The following PLCL1 variants were observed in gnomAD, a reference collection of about 807,000 sequenced individuals.
PLCL1 encodes inactive phospholipase C-like protein 1.
Under a neutral mutation model 84.4 loss-of-function variants are expected in PLCL1, and 41 were observed. The observed-to-expected ratio is 0.49, with a 90% CI of 0.38 to 0.63. The LOEUF (loss-of-function observed/expected upper bound fraction) is 0.63, where lower values mean the gene tolerates loss of function less well. Ranked by LOEUF, PLCL1 falls within the 30% of genes least tolerant of loss-of-function variation. PLCL1 has a pLI of 0.00. For synonymous variants in PLCL1, 490 were observed against 488.3 expected, an observed-to-expected ratio of 1.00 and a Z score of -0.05; for missense variants, 1,206 against 1,367.8, an observed-to-expected ratio of 0.88 and a Z score of 1.87.
intron 1 of PLCL1, among the ~76,000 whole-genome samples, chr2:197,838,877 G>T (rs1691241310): frequency 6.6e-6 from 1 of 152,180 alleles, no homozygotes; most frequent in African/African-American, 2.4e-5. Flanking sequence ...TTTATCTAAA[G>T]AGATCACTGT....
intron 1 of PLCL1, among the ~76,000 whole-genome samples, chr2:198,009,180 A>G (rs1690806072): frequency 6.6e-6 from 1 of 151,864 alleles, no homozygotes; most frequent in Non-Finnish European, 1.5e-5. Flanking sequence ...GACATGAAAA[A>G]GTTTTTGTGT....
chr2:198,089,094 G>A (rs754373227), intron 3 of PLCL1, 33 bp downstream of exon 3: 158 of 1,417,228 alleles, frequency 1.1e-4, no homozygotes, highest in Non-Finnish European at 1.4e-4. Flanking sequence ...TTTTTTACGT[G>A]TGTGTGTGTG....
At chr2:197,846,498 A>C (rs1401140852) in intron 1 of PLCL1, among the ~76,000 whole-genome samples, 1 of 152,128 alleles carries the variant, frequency 6.6e-6, no homozygotes, top group Non-Finnish European at 1.5e-5. Flanking sequence ...TTAAAAGTTA[A>C]AATTAGGAAT....
intron 5 of PLCL1, among the ~76,000 whole-genome samples, chr2:198,115,540 C>T (rs920873893): frequency 2.0e-5 from 3 of 151,696 alleles, no homozygotes; most frequent in Non-Finnish European, 4.4e-5. Context: ...TGAGCATTGT[C>T]AACATATGCA....
At chr2:197,817,080 A>G (rs1690705386) in intron 1 of PLCL1, among the ~76,000 whole-genome samples, 1 of 152,164 alleles carries the variant, frequency 6.6e-6, no homozygotes, top group Non-Finnish European at 1.5e-5. Flanking sequence ...TGTTAAAGGT[A>G]CAGTAAGCTT....
At position 197,805,178 on chromosome 2, in the gene PLCL1, C is replaced by G. The variant is rs1690442649; in HGVS notation, c.79C>G (p.Pro27Ala). 1.6e-6 allele frequency: 2 copies of G among 1,288,066 alleles called. No individual in the cohort carries two copies. The highest frequency in any genetic ancestry group is 3.1e-5 in the East Asian group (1 of 31,818). 79.8% of individuals were successfully genotyped at this position (1,288,066 alleles called of 1,614,324 possible). A position where few individuals can be genotyped will look rare whatever the true frequency, so the allele number is the denominator to read the frequency against. The change falls in exon 1 of 6, where the codon CCG becomes GCG. Residue 27 changes from proline (P) to alanine (A), a missense_variant. Pro to Ala is a conservative substitution (Grantham distance 27). Transcript: ENST00000428675. This position sits in a 1 kb window ranked among gnomAD's most constrained non-coding sequence, Gnocchi z 4.0. ...AGGEDDPRVG[P>A]DAAGDCVTAA... ...GGGCGAAGACGACCCCCGAGTGGGC[C>G]CGGATGCCGCCGGGGACTGCGTGAC...
At chr2:197,999,091 C>G (rs1690536717) in intron 1 of PLCL1, among the ~76,000 whole-genome samples, 1 of 152,132 alleles carries the variant, frequency 6.6e-6, no homozygotes, top group African/African-American at 2.4e-5. Context: ...ACAGAGGAAC[C>G]AGTATCCTGA....
intron 1 of PLCL1, among the ~76,000 whole-genome samples, chr2:198,022,867 T>C (rs988273670): frequency 5.9e-5 from 9 of 152,124 alleles, no homozygotes; most frequent in African/African-American, 1.2e-4. Context: ...CAAGCTTCCA[T>C]TGAATGTCTT....
At chr2:197,936,880 C>G (rs889096462) in intron 1 of PLCL1, among the ~76,000 whole-genome samples, 84 of 152,032 alleles carry the variant, frequency 5.5e-4, no homozygotes, top group Non-Finnish European at 1.5e-4. Context: ...GTAGCTTTCC[C>G]CCTGTGTTTT....
In PLCL1 at chr2:197,812,289, G is replaced by T. The variant is rs116721357; in HGVS notation, c.240+6950G>T. ...ACATACAAGTGCATGTGTCTTTTTG[G>T]TAGAGCGCTGTTGGATATATACCCA... On this transcript the variant is annotated intron_variant, in intron 1 of 5. Transcript: ENST00000428675. 9.6e-3 allele frequency among the ~76,000 whole-genome samples: 1,461 copies of T among 152,250 alleles called. 22 individuals carry two copies. The highest frequency in any genetic ancestry group is 0.034 in the African/African-American group (1,401 of 41,540).
At chr2:198,091,100 C>T (rs1027950049) in intron 3 of PLCL1, among the ~76,000 whole-genome samples, 1 of 152,038 alleles carries the variant, frequency 6.6e-6, no homozygotes, top group Non-Finnish European at 1.5e-5. Flanking sequence ...TATGGAAAAC[C>T]ATTTTGGGAG....
chr2:198,060,283 C>A (rs1692161343), intron 1 of PLCL1, among the ~76,000 whole-genome samples: 1 of 152,274 alleles, frequency 6.6e-6, no homozygotes, highest in Non-Finnish European at 1.5e-5. Context: ...GGCAGTGGAA[C>A]CCAATTCAAA....
intron 1 of PLCL1, among the ~76,000 whole-genome samples, chr2:197,998,222 G>A (rs1402842214): frequency 1.1e-4 from 13 of 120,958 alleles, no homozygotes; most frequent in Non-Finnish European, 1.7e-4. Context: ...TGTGTGATAT[G>A]AGATTGCTTG....
intron 1 of PLCL1, among the ~76,000 whole-genome samples, chr2:198,016,356 AT>A (rs1395164752): frequency 6.6e-6 from 1 of 152,212 alleles, no homozygotes; most frequent in Non-Finnish European, 1.5e-5. Context: ...ACTTGAAAAC[AT>A]TGAATTTGCT....
intron 1 of PLCL1, among the ~76,000 whole-genome samples, chr2:198,041,187 G>A (rs773816869): frequency 2.6e-5 from 4 of 152,122 alleles, no homozygotes; most frequent in Admixed American, 1.3e-4. Context: ...CTAACCCTTC[G>A]GTTTGAAATG....
chr2:198,078,853 A>T (rs1234417645), intron 1 of PLCL1, among the ~76,000 whole-genome samples: 1 of 152,126 alleles, frequency 6.6e-6, no homozygotes, highest in African/African-American at 2.4e-5. Context: ...ACAATGCTTC[A>T]GTGTGCATTT....
chr2:198,057,243 G>A (rs1373749487), intron 1 of PLCL1, among the ~76,000 whole-genome samples: 1 of 152,080 alleles, frequency 6.6e-6, no homozygotes, highest in East Asian at 1.9e-4. Flanking sequence ...TTATAATGGA[G>A]AGGTTCATAA....
At chr2:197,907,859 T>A (rs1688414394) in intron 1 of PLCL1, among the ~76,000 whole-genome samples, 1 of 152,204 alleles carries the variant, frequency 6.6e-6, no homozygotes, top group Non-Finnish European at 1.5e-5. Context: ...CAGAGATTTG[T>A]ATTTAATTGG....
chr2:197,807,648 C>T (rs1300253840), intron 1 of PLCL1, among the ~76,000 whole-genome samples: 1 of 151,922 alleles, frequency 6.6e-6, no homozygotes, highest in Admixed American at 6.6e-5. Flanking sequence ...AGCACATGTT[C>T]TATATTGAGA....
Sources: allele counts gnomAD v4.1 joint callset (sites outside exome capture counted in the v4.1 genomes callset), GRCh38; gene constraint gnomAD v4.1.1; non-coding constraint Gnocchi (gnomAD v3.1); transcripts MANE v1.5; gene names NCBI Gene and HGNC (gene_info 2026-07-23, HGNC 2026-07-21).